The following PRORP variants were observed in gnomAD, a reference collection of about 807,000 sequenced individuals.
PRORP encodes the protein mitochondrial ribonuclease P catalytic subunit.
Under a neutral mutation model 59.4 loss-of-function variants are expected in PRORP, and 51 were observed. The observed-to-expected ratio is 0.86, with a 90% confidence interval of 0.69 to 1.08. The LOEUF (loss-of-function observed/expected upper bound fraction) is 1.08. PRORP is among the 50% of genes least tolerant of loss of function. The pLI is 0.00. For missense variants in PRORP, 646 were observed against 690.3 expected (o/e 0.94, Z 0.72); for synonymous variants, 231 against 245.6 (o/e 0.94, Z 0.55).
chr14:35,227,171 CGG>C (rs2049955573), intron 5 of PRORP, among the ~76,000 whole-genome samples: 1 of 151,684 alleles, frequency 6.6e-6, no homozygotes, highest in African/African-American at 2.4e-5. Context: ...TAGCCAGGCG[CGG>C]TGGCTCATGC....
At chr14:35,159,535 G>C (rs908478498) in intron 4 of PRORP, among the ~76,000 whole-genome samples, 2 of 151,962 alleles carry the variant, frequency 1.3e-5, no homozygotes, top group Non-Finnish European at 2.9e-5. Flanking sequence ...TTTCATATCA[G>C]TATCTATTGT....
intron 4 of PRORP, among the ~76,000 whole-genome samples, chr14:35,161,211 C>G (rs1198902303): frequency 1.3e-5 from 2 of 152,172 alleles, no homozygotes; most frequent in Non-Finnish European, 2.9e-5. Context: ...ACCTAAAGCA[C>G]ATACAGGGGC....
intron 4 of PRORP, chr14:35,158,938 A>G (rs2047990315): frequency 5.9e-6 from 2 of 341,672 alleles, no homozygotes; most frequent in Non-Finnish European, 1.1e-5. Flanking sequence ...TGTGAATTCA[A>G]ACGTTCTCTT....
At chr14:35,240,560 T>C (rs886508415) in intron 5 of PRORP, among the ~76,000 whole-genome samples, 3 of 152,228 alleles carry the variant, frequency 2.0e-5, no homozygotes, top group African/African-American at 7.2e-5. Flanking sequence ...TAAACATCCT[T>C]GGACTAGCAT....
chr14:35,122,201 T>A, upstream of PRORP: 1 of 530,038 alleles, frequency 1.9e-6, no homozygotes, highest in Non-Finnish European at 3.4e-6. Context: ...TGGTTCTCCT[T>A]CAGAGGCGAC....
chr14:35,221,304 C>CA (rs1027026866), intron 5 of PRORP, among the ~76,000 whole-genome samples: 1 of 151,892 alleles, frequency 6.6e-6, no homozygotes, highest in Non-Finnish European at 1.5e-5. Flanking sequence ...ATAATTGATG[C>CA]AAAAAAATCC....
At chr14:35,207,909 T>C (rs1404650155) in intron 5 of PRORP, among the ~76,000 whole-genome samples, 11 of 152,336 alleles carry the variant, frequency 7.2e-5, no homozygotes, top group African/African-American at 2.6e-4. Context: ...CCCAGCACTT[T>C]GGGAGGCCGA....
intron 5 of PRORP, among the ~76,000 whole-genome samples, chr14:35,209,442 A>C (rs1490602753): frequency 6.6e-6 from 1 of 152,244 alleles, no homozygotes; most frequent in Non-Finnish European, 1.5e-5. Context: ...TGTTCATCAC[A>C]GCAAGCCCTA....
chr14:35,160,106 G>A (rs1021785663), intron 4 of PRORP, among the ~76,000 whole-genome samples: 4 of 152,174 alleles, frequency 2.6e-5, no homozygotes, highest in African/African-American at 9.7e-5. Flanking sequence ...CCAGTTGTAC[G>A]TTGCTCTTGA....
At chr14:35,146,841 C>A (rs1197136423) in intron 4 of PRORP, among the ~76,000 whole-genome samples, 2 of 152,144 alleles carry the variant, frequency 1.3e-5, no homozygotes, top group Non-Finnish European at 2.9e-5. Context: ...CACTTGTAAT[C>A]CCAGTGCTTT....
At chr14:35,126,001 G>A (rs1262146893) in intron 2 of PRORP, among the ~76,000 whole-genome samples, 5 of 152,148 alleles carry the variant, frequency 3.3e-5, no homozygotes, top group African/African-American at 9.7e-5. Flanking sequence ...CAACCTGGGC[G>A]ACAGAGCAAG....
chr14:35,155,323 G>T (rs2047886497), intron 4 of PRORP, among the ~76,000 whole-genome samples: 1 of 152,022 alleles, frequency 6.6e-6, no homozygotes, highest in African/African-American at 2.4e-5. Context: ...AACAAGATTG[G>T]TCATGAGATG....
chr14:35,186,939 A>C (rs2048757391), intron 5 of PRORP, among the ~76,000 whole-genome samples: 1 of 151,944 alleles, frequency 6.6e-6, no homozygotes, highest in Non-Finnish European at 1.5e-5. Context: ...TCATATTTTC[A>C]CTTAGCATAG....
intron 4 of PRORP, among the ~76,000 whole-genome samples, chr14:35,179,310 T>A (rs2048537671): frequency 6.6e-6 from 1 of 152,246 alleles, no homozygotes; most frequent in Non-Finnish European, 1.5e-5. Flanking sequence ...GGGGAAGTTC[T>A]CCTGGATAAT....
chr14:35,215,374 A>C (rs965511202), intron 5 of PRORP, among the ~76,000 whole-genome samples: 1 of 152,170 alleles, frequency 6.6e-6, no homozygotes, highest in Non-Finnish European at 1.5e-5. Flanking sequence ...AATAGTGTCT[A>C]ATTCCTTCCT....
At chr14:35,185,165 C>G (rs901403854) in intron 5 of PRORP, among the ~76,000 whole-genome samples, 22 of 152,188 alleles carry the variant, frequency 1.4e-4, no homozygotes, top group African/African-American at 5.3e-4. Flanking sequence ...TCCCTTTTCT[C>G]TGCAACCTCA....
chr14:35,152,737 C>T (rs2047801052), intron 4 of PRORP, among the ~76,000 whole-genome samples: 1 of 147,956 alleles, frequency 6.8e-6, no homozygotes, highest in African/African-American at 2.5e-5. Flanking sequence ...CAGAGACGCT[C>T]CTCACCTCCC....
chr14:35,187,946 G>A (rs2048781556), intron 5 of PRORP, among the ~76,000 whole-genome samples: 1 of 150,598 alleles, frequency 6.6e-6, no homozygotes, highest in African/African-American at 2.4e-5. Flanking sequence ...CACCTCCTGG[G>A]TGCAAGCGAT....
At chr14:35,187,618 C>T (rs1477812413) in intron 5 of PRORP, among the ~76,000 whole-genome samples, 1 of 151,192 alleles carries the variant, frequency 6.6e-6, no homozygotes, top group Non-Finnish European at 1.5e-5. Flanking sequence ...TTAGTAGAGA[C>T]GGGTTTTCGC....
Sources: gnomAD v4.1 joint callset for allele counts (sites outside exome capture counted in the v4.1 genomes callset) on GRCh38, gnomAD v4.1.1 for gene constraint, MANE v1.5 for transcripts, NCBI Gene and HGNC (gene_info 2026-07-23, HGNC 2026-07-21) for gene names.